Variants in MED13L observed in about 807,000 individuals in gnomAD.
MED13L encodes mediator complex subunit 13L, also known as mediator of RNA polymerase II transcription subunit 13-like.
In MED13L, 7 loss-of-function variants were observed where a neutral mutation model predicts 220.9. The observed-to-expected ratio is 0.03, with a 90% CI of 0.02 to 0.06. MED13L has a LOEUF of 0.06. Among genes scored for constraint, MED13L ranks in the 10% least tolerant of loss-of-function variants. The pLI is 1.00. For synonymous variants in MED13L, 1,011 were observed against 1,015.2 expected, an observed-to-expected ratio of 1.00 and a Z score of 0.08; for missense variants, 1,965 against 2,760.5, an observed-to-expected ratio of 0.71 and a Z score of 6.46.
chr12:116,101,468 G>A (rs777563228), intron 3 of MED13L, among the ~76,000 whole-genome samples: 4 of 152,136 alleles, frequency 2.6e-5, no homozygotes, highest in East Asian at 1.9e-4. Context: ...CACTAATCAC[G>A]GGTAGTCTTG....
intron 2 of MED13L, among the ~76,000 whole-genome samples, chr12:116,127,439 A>G (rs1875690417): frequency 6.6e-6 from 1 of 152,230 alleles, no homozygotes; most frequent in Non-Finnish European, 1.5e-5. Flanking sequence ...TATAATTACT[A>G]TAAATCTTTA....
chr12:115,993,045 T>C (rs1878168494), intron 16 of MED13L, among the ~76,000 whole-genome samples: 1 of 151,688 alleles, frequency 6.6e-6, no homozygotes, highest in South Asian at 2.1e-4. Context: ...AACAGTAAAG[T>C]ACAACATTTA....
rs1879227431 is a variant in MED13L, at chr12:116,009,031, G to T, written c.1382C>A (p.Pro461His). The change falls in exon 10 of 31, where the codon CCT (proline) becomes CAT (histidine). Residue 461 changes from proline (P) to histidine (H), a missense_variant. This residue lies in a region of MED13L where 818 missense variants were observed against 1,041.2 expected (regional missense o/e 0.79). Coordinates refer to ENST00000281928, the MANE Select transcript of MED13L (RefSeq NM_015335.5). ...AGPSSSSSLP[P>H]PASSKHKTAE... ...TGTTTTGTGCTTAGAAGAAGCAGGA[G>T]GTGGTAAAGATGAAGATGATGATGG... 18 of 1,613,966 alleles carry T rather than the reference G, an allele frequency of 1.1e-5. No homozygotes were observed. The highest frequency in any genetic ancestry group is 1.5e-5 in the Non-Finnish European group (18 of 1,180,004).
chr12:115,972,541 C>T, intron 25 of MED13L: 2 of 384,540 alleles, frequency 5.2e-6, no homozygotes, highest in South Asian at 4.3e-5. Flanking sequence ...GAGTGCTTTT[C>T]CATGATGACA....
At chr12:116,199,694 T>C (rs1190435635) in intron 2 of MED13L, among the ~76,000 whole-genome samples, 2 of 146,436 alleles carry the variant, frequency 1.4e-5, no homozygotes, top group East Asian at 2.0e-4. Context: ...TAAATGCTAC[T>C]TTTTTTTTTT....
chr12:116,149,667 C>T lies in MED13L; in HGVS notation c.311-38155G>A, dbSNP rs543948560. Among the ~76,000 whole-genome samples the T allele has an allele frequency of 9.9e-5, 15 of 152,204 alleles. No individual in the cohort carries two copies. The South Asian group carries it at 2.9e-3, about 29-fold the overall frequency. On this transcript the variant is annotated intron_variant, in intron 2 of 30. Coordinates refer to ENST00000281928, the MANE Select transcript of MED13L (RefSeq NM_015335.5). ...AAATCAGACCTTAAAGGGTGGGTAA[C>T]ATTTAGAATAAGTAAACAGGGAGAT...
Position 116,003,085 on chromosome 12 carries a change from C to T in MED13L, c.2487G>A (p.Leu829=). The change falls in exon 14 of 31, where the codon CTG becomes CTA. Residue 829 remains leucine (L), a synonymous_variant. Transcript: ENST00000281928. ...CAACTGCAGGCATTTTTGATGAGCGCAGAGCAGGTGATACAGCCTAAGAAC... is the reference window on the plus strand; with the variant it reads ...CAACTGCAGGCATTTTTGATGAGCGTAGAGCAGGTGATACAGCCTAAGAAC... ...DDELGAVSPA[L]RSSKMPAVGT... is the part of the protein sequence containing the mutation. 1 of 1,614,052 alleles carries T rather than the reference C, an allele frequency of 6.2e-7. No individual in the cohort carries two copies. The highest frequency in any genetic ancestry group is 8.5e-7 in the Non-Finnish European group (1 of 1,179,942).
At chr12:116,073,089 ATGTC>A (rs1870507883) in intron 4 of MED13L, among the ~76,000 whole-genome samples, 1 of 152,188 alleles carries the variant, frequency 6.6e-6, no homozygotes, top group Non-Finnish European at 1.5e-5. Flanking sequence ...CATTGTGAAT[ATGTC>A]TGGTGAAAAG....
chr12:116,066,207 G>T (rs1057436286), intron 4 of MED13L, among the ~76,000 whole-genome samples: 1 of 152,108 alleles, frequency 6.6e-6, no homozygotes, highest in Non-Finnish European at 1.5e-5. Context: ...GCGCACTCTG[G>T]ACACACAAAA....
chr12:116,140,792 T>C (rs1877001099), intron 2 of MED13L, among the ~76,000 whole-genome samples: 1 of 152,234 alleles, frequency 6.6e-6, no homozygotes, highest in Non-Finnish European at 1.5e-5. Flanking sequence ...TTGCAACAAC[T>C]GAATTTATCT....
At chr12:116,165,356 A>G (rs1352669066) in intron 2 of MED13L, among the ~76,000 whole-genome samples, 3 of 138,704 alleles carry the variant, frequency 2.2e-5, no homozygotes, top group Non-Finnish European at 4.5e-5. Flanking sequence ...TTTGAGACGG[A>G]GTCTCACTCT....
chr12:115,991,130 C>T lies in MED13L; in HGVS notation c.3824G>A (p.Cys1275Tyr). ...CCGCCCCTGCTCCAACGCATTAAAG[C>T]ATTCCGTCCAGTAATCATTATTATC... ...QADNNDYWTE[C>Y]FNALEQGRQY... Residue 1275 changes from cysteine to tyrosine, a missense_variant, in exon 17 of 31, where the codon TGC becomes TAC. Cys to Tyr is a radical substitution (Grantham distance 194). This residue lies in a region of MED13L where 165 missense variants were observed against 190.8 expected (regional missense o/e 0.86). Transcript: ENST00000281928. The surrounding 1 kb of genome is among the most constrained non-coding windows in gnomAD (Gnocchi z 7.7). The T allele has an allele frequency of 6.2e-7, 1 of 1,614,198 alleles. No individual in the cohort carries two copies. Among genetic ancestry groups the T allele is most frequent in the Non-Finnish European group, 8.5e-7 (1 of 1,180,032 alleles).
intron 2 of MED13L, among the ~76,000 whole-genome samples, chr12:116,215,391 A>G (rs1379798109): frequency 6.6e-6 from 1 of 152,230 alleles, no homozygotes; most frequent in East Asian, 1.9e-4. Flanking sequence ...AAGCCAAAGA[A>G]GTGTTACACA....
rs1290972173 is a variant in MED13L at position 116,008,825 on chromosome 12, C to A, written c.1588G>T (p.Ala530Ser). The change falls in exon 10 of 31, where the codon GCC becomes TCC. Residue 530 changes from alanine (A) to serine (S), a missense_variant. By Grantham distance (99) the Ala-to-Ser change is moderately conservative. Transcript: ENST00000281928. ...SSSRKYDKQM[A>S]VPSRNTSKQM... Reference sequence around the variant, plus strand: ...TTGCTTGTATTTCTGGAAGGCACGGCCATTTGCTTATCATATTTCCTACTG... The same window carrying A: ...TTGCTTGTATTTCTGGAAGGCACGGACATTTGCTTATCATATTTCCTACTG... The A allele has an allele frequency of 1.2e-6, 2 of 1,613,976 alleles. No homozygotes were observed. The highest frequency in any genetic ancestry group is 1.1e-5 in the South Asian group (1 of 91,074).
chr12:116,106,940 C>G (rs1006594279), intron 3 of MED13L, among the ~76,000 whole-genome samples: 2 of 151,960 alleles, frequency 1.3e-5, no homozygotes, highest in Non-Finnish European at 2.9e-5. Context: ...GTTTGTCTCC[C>G]ACTCTGAAAA....
chr12:116,261,941 C>G (rs1182967327), intron 1 of MED13L, among the ~76,000 whole-genome samples: 2 of 152,136 alleles, frequency 1.3e-5, no homozygotes, highest in Non-Finnish European at 2.9e-5. Context: ...TCCCCTATGA[C>G]AATCCATACT....
At chr12:116,158,219 A>G (rs758705654) in intron 2 of MED13L, among the ~76,000 whole-genome samples, 2 of 152,026 alleles carry the variant, frequency 1.3e-5, no homozygotes, top group Non-Finnish European at 2.9e-5. Context: ...AGACAAGGCA[A>G]GAGCTTATCT....
chr12:116,093,899 TCTC>T (rs1326081219), intron 4 of MED13L, among the ~76,000 whole-genome samples: 1 of 152,146 alleles, frequency 6.6e-6, no homozygotes, highest in African/African-American at 2.4e-5. Context: ...CATTTCTCTC[TCTC>T]AACTAAATTA....
At chr12:115,970,915 C>G in intron 26 of MED13L, 145 bp from the exon 27 acceptor site, 1 of 803,742 alleles carries the variant, frequency 1.2e-6, no homozygotes, top group Non-Finnish European at 2.0e-6. Context: ...GTTTAAATAT[C>G]TTCAAAGAAA....
Sources: gnomAD v4.1 joint callset for allele counts (sites outside exome capture counted in the v4.1 genomes callset) on GRCh38, gnomAD v4.1.1 for gene constraint, gnomAD v4.1.1 regional missense constraint, Gnocchi (gnomAD v3.1) non-coding constraint, MANE v1.5 for transcripts, NCBI Gene and HGNC (gene_info 2026-07-23, HGNC 2026-07-21) for gene names.